Variants in NFIB observed in about 807,000 individuals in gnomAD.
The protein encoded by NFIB is nuclear factor I B.
NFIB carries 11 observed loss-of-function variants against 61.5 expected under a neutral mutation model. The observed-to-expected ratio is 0.18, with a 90% CI of 0.11 to 0.30. The LOEUF (loss-of-function observed/expected upper bound fraction) is 0.30. Ranked by LOEUF, NFIB falls within the 10% of genes least tolerant of loss-of-function variation. The pLI, the probability that NFIB is intolerant of heterozygous loss-of-function variation, is 1.00. For synonymous variants in NFIB, 260 were observed against 216.5 expected (o/e 1.20, Z -1.76); for missense variants, 471 against 608.9 (o/e 0.77, Z 2.38).
chr9:14,395,569 T>C lies in NFIB; in HGVS notation c.108+2955A>G, dbSNP rs939164014. ...CCCTTAATCCACACTAAAATAAAAC[T>C]GAAATGTAAGCCGGCCCCGATCTGT... On this transcript the variant is annotated intron_variant, in intron 1 of 8. Transcript: ENST00000380934. Among the ~76,000 whole-genome samples the C allele has an allele frequency of 2.6e-5, 4 of 151,896 alleles. No individual in the cohort carries two copies. In the East Asian group the frequency reaches 7.8e-4, roughly 30 times the overall value.
In NFIB at chr9:14,116,255, A is replaced by G. The variant is rs1336310680; in HGVS notation, c.1337T>C (p.Val446Ala). The G allele has an allele frequency of 6.5e-7, 1 of 1,538,984 alleles. No individual in the cohort carries two copies. The highest frequency in any genetic ancestry group is 1.4e-5 in the African/African-American group (1 of 72,802). Residue 446 changes from valine (V) to alanine (A), a missense_variant, in exon 9 of 11, where the codon GTG becomes GCG. This residue lies in a region of NFIB where 372 missense variants were observed against 395.6 expected (regional missense o/e 0.94). Coordinates refer to ENST00000380953, the MANE Select transcript of NFIB (RefSeq NM_001190737.2). ...PSPHPSAVRP[V>A]TLSMTDTKPI... Reference sequence around the variant, plus strand: ...TTTAGTATCTGTCATGCTCAGGGTCACAGGTCGCACTGCACTGGGATGGGG... The same window carrying G: ...TTTAGTATCTGTCATGCTCAGGGTCGCAGGTCGCACTGCACTGGGATGGGG...
At chr9:14,381,503 C>A (rs1396742083) in intron 1 of NFIB, among the ~76,000 whole-genome samples, 1 of 152,154 alleles carries the variant, frequency 6.6e-6, no homozygotes, top group Non-Finnish European at 1.5e-5. Flanking sequence ...AAAGCATTTT[C>A]TAAACTGTAA....
At chr9:14,518,253 T>C in the NFIB span, among the ~76,000 whole-genome samples, 1 of 152,210 alleles carries the variant, frequency 6.6e-6, no homozygotes, top group Non-Finnish European at 1.5e-5. Context: ...CATGGCCCTG[T>C]GTTTTGGGGC....
Position 14,390,190 on chromosome 9 carries a change from CCA to C in NFIB, c.108+8332_108+8333del, listed in dbSNP as rs560691540. Among the ~76,000 whole-genome samples, 402 of 152,254 alleles carry C rather than the reference CCA, an allele frequency of 2.6e-3. 1 individual carries two copies. Among genetic ancestry groups the C allele is most frequent in the Non-Finnish European group, 2.5e-3 (173 of 68,020 alleles). ...AAGGAAAAAAAGGCAAGCAATCATG[CCA>C]CAGTTATAACAACAGACAGATCTGA... is the stretch of plus-strand genomic sequence containing the variant. On this transcript the variant is annotated intron_variant, in intron 1 of 8. Coordinates refer to the NFIB transcript ENST00000380934.
chr9:14,327,267 T>G (rs2060766332), intron 1 of NFIB, among the ~76,000 whole-genome samples: 1 of 152,170 alleles, frequency 6.6e-6, no homozygotes, highest in African/African-American at 2.4e-5. Context: ...CAAAAGAAAG[T>G]CAATGTTAAT....
At position 14,087,049 on chromosome 9, in the gene NFIB, C is replaced by T. The variant is rs930408997; in HGVS notation, c.*1260G>A. 2 of 202,712 alleles carry T rather than the reference C, an allele frequency of 9.9e-6. No individual in the cohort carries two copies. The highest frequency in any genetic ancestry group is 2.0e-5 in the Non-Finnish European group (2 of 98,412). 12.6% of individuals were successfully genotyped at this position (202,712 alleles called of 1,614,324 possible). ...CAAGAGTGCGTTTTTATATCCTACA[C>T]CCTGGCGTTCCCAGTTTGTAAACTG... On this transcript the variant is annotated 3_prime_UTR_variant, in exon 11 of 11. Transcript: ENST00000380953.
chr9:14,166,612 G>C (rs1431970791), intron 3 of NFIB, among the ~76,000 whole-genome samples: 1 of 152,076 alleles, frequency 6.6e-6, no homozygotes, highest in Non-Finnish European at 1.5e-5. Context: ...ATAATTTTTA[G>C]CTCATCAAAT....
chr9:14,290,727 G>C (rs1445997481), intron 2 of NFIB, among the ~76,000 whole-genome samples: 1 of 152,002 alleles, frequency 6.6e-6, no homozygotes, highest in Non-Finnish European at 1.5e-5. Context: ...ATATACAAAA[G>C]AAAGAAAACA....
chr9:14,431,746 T>A, the NFIB span, among the ~76,000 whole-genome samples: 1 of 151,974 alleles, frequency 6.6e-6, no homozygotes, highest in Non-Finnish European at 1.5e-5. Context: ...GGGAGCACTG[T>A]CATCCAGGGG....
chr9:14,430,743 G>A, the NFIB span, among the ~76,000 whole-genome samples: 5 of 151,992 alleles, frequency 3.3e-5, no homozygotes, highest in Non-Finnish European at 7.4e-5. Context: ...CATCTTGCCT[G>A]GCTAATTTTT....
intron 1 of NFIB, among the ~76,000 whole-genome samples, chr9:14,391,042 T>G (rs370269741): frequency 2.6e-5 from 4 of 152,186 alleles, no homozygotes; most frequent in East Asian, 3.9e-4. Flanking sequence ...AATATCAATT[T>G]GTACAGATAC....
At chr9:14,408,075 G>C in the NFIB span, among the ~76,000 whole-genome samples, 21 of 152,164 alleles carry the variant, frequency 1.4e-4, no homozygotes, top group African/African-American at 5.1e-4. Flanking sequence ...GGTTTAGTTA[G>C]TTTCAGGCCT....
the NFIB span, among the ~76,000 whole-genome samples, chr9:14,438,673 A>G: frequency 6.6e-6 from 1 of 152,182 alleles, no homozygotes; most frequent in Non-Finnish European, 1.5e-5. Context: ...AGAATTCCTC[A>G]TCTGACACAG....
exon 1 of NFIB, chr9:14,398,620 G>A: frequency 6.5e-7 from 1 of 1,530,530 alleles, no homozygotes; most frequent in Non-Finnish European, 8.7e-7. Context: ...CAGACACTGG[G>A]ATTCTTTCCA....
Position 14,313,802 on chromosome 9 carries a change from T to C in NFIB, c.-291A>G, listed in dbSNP as rs1588285256. On this transcript the variant is annotated 5_prime_UTR_variant, in exon 1 of 11. Coordinates refer to ENST00000380953, the MANE Select transcript of NFIB (RefSeq NM_001190737.2). The surrounding 1 kb of genome is among the most constrained non-coding windows in gnomAD (Gnocchi z 4.5). ...TTGCCGAGGCCGCCGCCGCCGCCGG[T>C]GTTGGCTGCTTTTCGCCTGGGTTTG... 9.0e-6 allele frequency: 12 copies of C among 1,331,708 alleles called. No homozygotes were observed. Among genetic ancestry groups the C allele is most frequent in the Non-Finnish European group, 1.2e-5 (12 of 1,041,314 alleles). 82.5% of individuals were successfully genotyped at this position (1,331,708 alleles called of 1,614,324 possible).
intron 10 of NFIB, among the ~76,000 whole-genome samples, chr9:14,091,804 A>G (rs1015332454): frequency 6.6e-6 from 1 of 151,962 alleles, no homozygotes; most frequent in Non-Finnish European, 1.5e-5. Context: ...TTGCAAAAAA[A>G]TCAAGCAGAA....
chr9:14,202,021 A>G (rs1019772452), intron 2 of NFIB, among the ~76,000 whole-genome samples: 6 of 152,090 alleles, frequency 3.9e-5, no homozygotes, highest in African/African-American at 1.4e-4. Context: ...TCATTTGCAC[A>G]ATGTTGACTT....
chr9:14,250,724 T>A (rs372866582), intron 2 of NFIB, among the ~76,000 whole-genome samples: 1 of 152,374 alleles, frequency 6.6e-6, no homozygotes, highest in East Asian at 1.9e-4. Flanking sequence ...TAAGTCAACC[T>A]GTATATCTCT....
At chr9:14,205,340 G>C (rs911593504) in intron 2 of NFIB, among the ~76,000 whole-genome samples, 1 of 147,558 alleles carries the variant, frequency 6.8e-6, no homozygotes, top group African/African-American at 2.5e-5. Context: ...TGGAGACACT[G>C]CATGGAACTA....
Sources: gnomAD v4.1 joint callset for allele counts (sites outside exome capture counted in the v4.1 genomes callset) on GRCh38, gnomAD v4.1.1 for gene constraint, gnomAD v4.1.1 regional missense constraint, Gnocchi (gnomAD v3.1) non-coding constraint, MANE v1.5 for transcripts, NCBI Gene and HGNC (gene_info 2026-07-23, HGNC 2026-07-21) for gene names.